The following FAM171B variants were observed in gnomAD, a reference collection of about 807,000 sequenced individuals.
FAM171B encodes the protein family with sequence similarity 171 member B, also known as protein FAM171B.
FAM171B carries 19 observed loss-of-function variants against 75.6 expected under a neutral mutation model. The observed-to-expected ratio is 0.25, with a 90% CI of 0.18 to 0.37. FAM171B has a LOEUF of 0.37. FAM171B is among the 10% of genes least tolerant of loss of function. The probability of loss-of-function intolerance (pLI) is 1.00; values close to 1 mark genes in which losing one functional copy is unlikely to be tolerated. For synonymous variants in FAM171B, 367 were observed against 361.7 expected (o/e 1.01, Z -0.17); for missense variants, 848 against 982.4 (o/e 0.86, Z 1.83).
chr2:186,705,648 T>G (rs1392526405), intron 1 of FAM171B, among the ~76,000 whole-genome samples: 1 of 152,074 alleles, frequency 6.6e-6, no homozygotes, highest in Non-Finnish European at 1.5e-5. Context: ...CAAATAACAT[T>G]TAGACTCAAA....
chr2:186,754,000 T>G lies in FAM171B; in HGVS notation c.963T>G (p.Asp321Glu). The G allele has an allele frequency of 6.2e-7, 1 of 1,612,952 alleles. No homozygotes were observed. The highest frequency in any genetic ancestry group is 1.1e-5 in the South Asian group (1 of 90,736). ...EHNNHLIWTYDAPHLGYWIAA... is the reference protein window; with the variant it reads ...EHNNHLIWTYEAPHLGYWIAA... ...ACAATCATTTAATCTGGACATATGA[T>G]GCACCACATTTGGGGTACTGGATAG... Residue 321 changes from aspartate (D) to glutamate (E), a missense_variant, in exon 6 of 8, where the codon GAT (aspartate) becomes GAG (glutamate). Around this residue, in one of 3 missense-constraint regions of FAM171B, gnomAD observed 665 missense variants for 729.0 expected, o/e 0.91. Coordinates refer to ENST00000304698, the MANE Select transcript of FAM171B (RefSeq NM_177454.4).
chr2:186,694,491 C>G (rs1319699716), intron 1 of FAM171B, 80 bp downstream of exon 1: 3 of 1,465,382 alleles, frequency 2.0e-6, no homozygotes, highest in Non-Finnish European at 2.7e-6. Flanking sequence ...TCGCCCCTTC[C>G]CTATCCATTC....
At chr2:186,734,912 C>T (rs1442507586) in intron 1 of FAM171B, among the ~76,000 whole-genome samples, 13 of 152,238 alleles carry the variant, frequency 8.5e-5, no homozygotes, top group Non-Finnish European at 2.9e-5. Flanking sequence ...CACAACTTTG[C>T]TTTGCCCCAG....
chr2:186,704,533 A>G (rs1438788381), intron 1 of FAM171B, among the ~76,000 whole-genome samples: 1 of 152,070 alleles, frequency 6.6e-6, no homozygotes, highest in Non-Finnish European at 1.5e-5. Context: ...TAAGGTAGAC[A>G]CCCTTAAAAG....
intron 5 of FAM171B, among the ~76,000 whole-genome samples, chr2:186,752,198 T>A (rs925205146): frequency 6.6e-6 from 1 of 152,296 alleles, no homozygotes; most frequent in East Asian, 1.9e-4. Context: ...TTAGAACCTG[T>A]CTTTGTGACC....
At chr2:186,718,024 T>C (rs1689898214) in intron 1 of FAM171B, among the ~76,000 whole-genome samples, 1 of 152,178 alleles carries the variant, frequency 6.6e-6, no homozygotes, top group African/African-American at 2.4e-5. Flanking sequence ...TTTACCTGGT[T>C]ATTGAAACTC....
chr2:186,756,983 T>C (rs1014660315), intron 6 of FAM171B, among the ~76,000 whole-genome samples: 1 of 152,084 alleles, frequency 6.6e-6, no homozygotes, highest in Admixed American at 6.6e-5. Flanking sequence ...AGGAGCTTTT[T>C]CCCCCATAGA....
At chr2:186,727,730 C>T (rs553141036) in intron 1 of FAM171B, among the ~76,000 whole-genome samples, 17 of 151,932 alleles carry the variant, frequency 1.1e-4, no homozygotes, top group Non-Finnish European at 2.4e-4. Context: ...TAGCCTAAAA[C>T]GTTAGAAAAC....
At chr2:186,732,647 T>G (rs559466177) in intron 1 of FAM171B, among the ~76,000 whole-genome samples, 2 of 152,352 alleles carry the variant, frequency 1.3e-5, no homozygotes, top group Admixed American at 1.3e-4. Context: ...TCTTATGTGT[T>G]GGCAGCTTCC....
chr2:186,711,793 C>T (rs529390561), intron 1 of FAM171B, among the ~76,000 whole-genome samples: 1 of 152,280 alleles, frequency 6.6e-6, no homozygotes, highest in South Asian at 2.1e-4. Flanking sequence ...CTCATTGACA[C>T]TGCCCTGCCT....
At chr2:186,713,611 C>T (rs1054358642) in intron 1 of FAM171B, among the ~76,000 whole-genome samples, 2 of 152,026 alleles carry the variant, frequency 1.3e-5, no homozygotes, top group African/African-American at 4.8e-5. Context: ...TAAATGAGGC[C>T]AGATTTGTTT....
intron 1 of FAM171B, among the ~76,000 whole-genome samples, chr2:186,705,700 G>A (rs1260434906): frequency 3.3e-5 from 5 of 152,060 alleles, no homozygotes; most frequent in African/African-American, 9.7e-5. Flanking sequence ...TTTTGTTGTT[G>A]TTATTGTGCA....
intron 1 of FAM171B, among the ~76,000 whole-genome samples, chr2:186,738,380 CG>C (rs1374194259): frequency 6.6e-6 from 1 of 151,798 alleles, no homozygotes. Context: ...GGAAGGCTCT[CG>C]GTGGAGAGGG....
At chr2:186,751,432 C>T in intron 5 of FAM171B, 128 bp downstream of exon 5, 1 of 734,260 alleles carries the variant, frequency 1.4e-6, no homozygotes, top group Non-Finnish European at 2.0e-6. Flanking sequence ...TTGTTAGTGA[C>T]CAAAATTGAC....
At chr2:186,697,075 G>A (rs1298914558) in intron 1 of FAM171B, among the ~76,000 whole-genome samples, 14 of 152,114 alleles carry the variant, frequency 9.2e-5, no homozygotes, top group Non-Finnish European at 1.5e-5. Flanking sequence ...CTCAGCATTT[G>A]TTCGTCTTCA....
chr2:186,727,945 T>C (rs1402552940), intron 1 of FAM171B, among the ~76,000 whole-genome samples: 3 of 152,130 alleles, frequency 2.0e-5, no homozygotes, highest in African/African-American at 7.2e-5. Flanking sequence ...TAGCTGAATA[T>C]TTTGTGTGAA....
At chr2:186,698,411 A>G (rs1180058182) in intron 1 of FAM171B, among the ~76,000 whole-genome samples, 1 of 152,234 alleles carries the variant, frequency 6.6e-6, no homozygotes, top group Admixed American at 6.5e-5. Flanking sequence ...ATAGTGTAAT[A>G]AAAGCCTATA....
chr2:186,750,621 C>T (rs1690437927), intron 4 of FAM171B, among the ~76,000 whole-genome samples: 1 of 147,912 alleles, frequency 6.8e-6, no homozygotes, highest in South Asian at 2.1e-4. Context: ...GTAAGAAGTG[C>T]AACTTTTAAT....
chr2:186,719,371 G>C (rs1257488233), intron 1 of FAM171B, among the ~76,000 whole-genome samples: 1 of 152,184 alleles, frequency 6.6e-6, no homozygotes, highest in Non-Finnish European at 1.5e-5. Context: ...GGGAAAAATG[G>C]ATATTTCATT....
Sources: allele counts gnomAD v4.1 joint callset (sites outside exome capture counted in the v4.1 genomes callset), GRCh38; gene constraint gnomAD v4.1.1; regional missense constraint gnomAD v4.1.1; transcripts MANE v1.5; gene names NCBI Gene and HGNC (gene_info 2026-07-23, HGNC 2026-07-21).